CAMK4: variants seen among roughly 807,000 people sequenced by gnomAD.
CAMK4 encodes calcium/calmodulin dependent protein kinase IV, also known as calcium/calmodulin-dependent protein kinase type IV.
Under a neutral mutation model 44.9 loss-of-function variants are expected in CAMK4, and 22 were observed. The observed-to-expected ratio is 0.49, with a 90% CI of 0.35 to 0.70. The LOEUF (loss-of-function observed/expected upper bound fraction) is 0.70. Among genes scored for constraint, CAMK4 ranks in the 30% least tolerant of loss-of-function variants. The probability of loss-of-function intolerance (pLI) is 0.01; values close to 1 mark genes in which losing one functional copy is unlikely to be tolerated. For synonymous variants in CAMK4, 218 were observed against 215.4 expected (o/e 1.01, Z -0.11); for missense variants, 498 against 586.8 (o/e 0.85, Z 1.56).
chr5:111,288,965 T>C (rs1001082799), intron 1 of CAMK4, among the ~76,000 whole-genome samples: 7 of 152,246 alleles, frequency 4.6e-5, no homozygotes, highest in Non-Finnish European at 1.0e-4. Context: ...CACAGAGTGC[T>C]AATTTTCTTA....
chr5:111,476,332 TG>T (rs1163561910), intron 8 of CAMK4, among the ~76,000 whole-genome samples: 5 of 151,610 alleles, frequency 3.3e-5, no homozygotes, highest in African/African-American at 9.7e-5. Context: ...CAGGCTAGAG[TG>T]CAGTGGCGTG....
At chr5:111,258,626 C>T (rs1258061303) in intron 1 of CAMK4, among the ~76,000 whole-genome samples, 1 of 151,984 alleles carries the variant, frequency 6.6e-6, no homozygotes, top group African/African-American at 2.4e-5. Context: ...GTTACCAACC[C>T]CCTGCCCAGG....
At chr5:111,470,239 T>C (rs1347525928) in intron 7 of CAMK4, among the ~76,000 whole-genome samples, 1 of 152,230 alleles carries the variant, frequency 6.6e-6, no homozygotes, top group Admixed American at 6.5e-5. Flanking sequence ...GAATGAAAGC[T>C]AACCTGACAG....
chr5:111,244,558 A>G (rs549062475), intron 1 of CAMK4, among the ~76,000 whole-genome samples: 14 of 152,194 alleles, frequency 9.2e-5, no homozygotes, highest in African/African-American at 1.4e-4. Context: ...AAGCTGACCT[A>G]TATTAAAATA....
At chr5:111,390,943 A>T (rs112420334) in intron 4 of CAMK4, among the ~76,000 whole-genome samples, 2,165 of 152,254 alleles carry the variant, frequency 0.014, 61 homozygotes, top group African/African-American at 0.05. Context: ...AAGCAGGCAA[A>T]CACTCAAATC....
chr5:111,316,082 CATTACCAATAATAAAGAGGAA>C, intron 1 of CAMK4, among the ~76,000 whole-genome samples: 1 of 152,208 alleles, frequency 6.6e-6, no homozygotes, highest in Non-Finnish European at 1.5e-5. Flanking sequence ...CCTAAGCAAA[CATTACCAATAATAAAGAGGAA>C]ATTGACATTC....
chr5:111,426,660 C>T lies in CAMK4; in HGVS notation c.460-20026C>T, dbSNP rs529216261. ...CACCCCTCCCCCACCCCCAATGGTA[C>T]CAGCATGGTAAGGAGAGCATCTCTG... is the stretch of plus-strand genomic sequence containing the variant. On this transcript the variant is annotated intron_variant, in intron 5 of 10. Coordinates refer to ENST00000282356, the MANE Select transcript of CAMK4 (RefSeq NM_001744.6). Among the ~76,000 whole-genome samples the T allele has an allele frequency of 2.0e-5, 3 of 152,140 alleles. No individual in the cohort carries two copies. The East Asian group carries it at 5.8e-4, about 29-fold the overall frequency.
chr5:111,344,837 C>T (rs925699837), intron 2 of CAMK4, among the ~76,000 whole-genome samples: 1 of 151,612 alleles, frequency 6.6e-6, no homozygotes, highest in African/African-American at 2.4e-5. Flanking sequence ...CTGTCTATAC[C>T]CCCAGAGAGT....
chr5:111,384,485 G>A (rs1228902747), intron 4 of CAMK4, among the ~76,000 whole-genome samples: 2 of 152,112 alleles, frequency 1.3e-5, no homozygotes, highest in African/African-American at 2.4e-5. Context: ...TACAGTATCA[G>A]CTAAGATGAA....
rs1179526914 is a variant in CAMK4, at chr5:111,487,615, T to A, written c.*3149T>A. 6.6e-6 allele frequency: 1 copy of A among 152,200 alleles called. No individual in the cohort carries two copies. The highest frequency in any genetic ancestry group is 1.5e-5 in the Non-Finnish European group (1 of 68,026). 9.4% of individuals were successfully genotyped at this position (152,200 alleles called of 1,614,324 possible). A position where few individuals can be genotyped will look rare whatever the true frequency, so the allele number is the denominator to read the frequency against. ...TCCAAATTATTCTATCGATATATAG[T>A]CAATATTAAAATTTAATGTGATATT... On this transcript the variant is annotated 3_prime_UTR_variant, in exon 11 of 11. Transcript: ENST00000282356.
In CAMK4 at chr5:111,351,655, A is replaced by G. The variant is rs376305788; in HGVS notation, c.240+7553A>G. 8.0e-5 allele frequency among the ~76,000 whole-genome samples: 12 copies of G among 149,538 alleles called. No individual in the cohort carries two copies. In the East Asian group the frequency reaches 1.4e-3, roughly 18 times the overall value. ...TCGAACTCCTGACCTCAGGTGATCC[A>G]CCTGCCTCGGCCTCCCAAAGTGCTG... On this transcript the variant is annotated intron_variant, in intron 2 of 10. Transcript: ENST00000282356.
chr5:111,430,844 G>A (rs1316312511), intron 5 of CAMK4, among the ~76,000 whole-genome samples: 3 of 151,866 alleles, frequency 2.0e-5, no homozygotes, highest in Non-Finnish European at 4.4e-5. Flanking sequence ...TCATGGGTTC[G>A]AAGAATCGGT....
At chr5:111,248,877 AGACAGATCT>A (rs1169147726) in intron 1 of CAMK4, among the ~76,000 whole-genome samples, 1 of 151,964 alleles carries the variant, frequency 6.6e-6, no homozygotes, top group Non-Finnish European at 1.5e-5. Context: ...GGAGCATGAA[AGACAGATCT>A]GATTGTCACC....
intron 1 of CAMK4, among the ~76,000 whole-genome samples, chr5:111,225,838 A>C (rs1427075525): frequency 1.3e-5 from 2 of 152,230 alleles, no homozygotes; most frequent in African/African-American, 4.8e-5. Context: ...GTGATTTGTC[A>C]CTGTTAAAAA....
chr5:111,415,222 G>A (rs566554544), intron 5 of CAMK4, among the ~76,000 whole-genome samples: 33 of 152,218 alleles, frequency 2.2e-4, no homozygotes, highest in African/African-American at 7.7e-4. Flanking sequence ...GAAATTTTGC[G>A]CCTCTGGCTC....
intron 2 of CAMK4, among the ~76,000 whole-genome samples, chr5:111,344,435 C>T (rs5870443): frequency 0.17 from 25,321 of 146,294 alleles, 3,143 homozygotes; most frequent in African/African-American, 0.37. Flanking sequence ...CACACACATA[C>T]ACACACACAC....
At chr5:111,372,859 T>C (rs2112818853) in intron 2 of CAMK4, among the ~76,000 whole-genome samples, 1 of 152,198 alleles carries the variant, frequency 6.6e-6, no homozygotes, top group South Asian at 2.1e-4. Context: ...CCTATCAATT[T>C]GATGTACAGT....
At chr5:111,391,095 C>G (rs1751779092) in intron 4 of CAMK4, among the ~76,000 whole-genome samples, 1 of 152,160 alleles carries the variant, frequency 6.6e-6, no homozygotes, top group African/African-American at 2.4e-5. Flanking sequence ...AATTCATTGT[C>G]AAGGCCTTGT....
At chr5:111,456,925 C>A (rs1754437709) in intron 7 of CAMK4, among the ~76,000 whole-genome samples, 1 of 152,180 alleles carries the variant, frequency 6.6e-6, no homozygotes, top group Admixed American at 6.5e-5. Flanking sequence ...GACAAAGTCT[C>A]CTCAGTGATC....
Sources: allele counts gnomAD v4.1 joint callset (sites outside exome capture counted in the v4.1 genomes callset), GRCh38; gene constraint gnomAD v4.1.1; transcripts MANE v1.5; gene names NCBI Gene and HGNC (gene_info 2026-07-23, HGNC 2026-07-21).